SLC24A3: variants seen among roughly 807,000 people sequenced by gnomAD.
The protein encoded by SLC24A3 is solute carrier family 24 member 3.
In SLC24A3, 28 loss-of-function variants were observed where a neutral mutation model predicts 75.8. The ratio of observed to expected loss-of-function variants is 0.37; its 90% confidence interval spans 0.27 to 0.51. The LOEUF (loss-of-function observed/expected upper bound fraction) is 0.51. SLC24A3 is among the 20% of genes least tolerant of loss of function. The probability of loss-of-function intolerance (pLI) is 0.94; values close to 1 mark genes in which losing one functional copy is unlikely to be tolerated. For synonymous variants in SLC24A3, 372 were observed against 334.1 expected, an observed-to-expected ratio of 1.11 and a Z score of -1.24; for missense variants, 663 against 847.8, an observed-to-expected ratio of 0.78 and a Z score of 2.71.
chr20:19,716,441 A>G lies in SLC24A3; in HGVS notation c.1720-1087A>G, dbSNP rs74858326. 9.8e-3 allele frequency among the ~76,000 whole-genome samples: 1,492 copies of G among 151,700 alleles called. 62 individuals carry two copies. The highest frequency in any genetic ancestry group is 0.071 in the Admixed American group (1,086 of 15,218). Reference sequence around the variant, plus strand: ...TGTTTCTTTTTTTTTCAGTTGCATGAGACACATTTCAAATGCCCAACAGCC... The same window carrying G: ...TGTTTCTTTTTTTTTCAGTTGCATGGGACACATTTCAAATGCCCAACAGCC... On this transcript the variant is annotated intron_variant, in intron 15 of 16. Transcript: ENST00000328041.
At chr20:19,428,629 A>T (rs1987052200) in intron 2 of SLC24A3, among the ~76,000 whole-genome samples, 1 of 152,246 alleles carries the variant, frequency 6.6e-6, no homozygotes. Flanking sequence ...AGTGGGCAGG[A>T]TATGGCATGG....
rs548968734 is a variant in SLC24A3, at chr20:19,606,668, G to A, written c.612+21124G>A. The stretch of plus-strand genomic sequence containing the variant: ...GTAGGAGGGAGATGAGAAAAGCAGG[G>A]ACTTATAGGACTGAGAATGCAGAGG... On this transcript the variant is annotated intron_variant, in intron 6 of 16. Transcript: ENST00000328041. Among the ~76,000 whole-genome samples, 109 of 152,298 alleles carry A rather than the reference G, an allele frequency of 7.2e-4. 1 individual carries two copies. Among genetic ancestry groups the A allele is most frequent in the African/African-American group, 2.5e-3 (104 of 41,554 alleles).
chr20:19,227,573 G>A (rs1179536727), intron 1 of SLC24A3, among the ~76,000 whole-genome samples: 2 of 151,882 alleles, frequency 1.3e-5, no homozygotes, highest in Non-Finnish European at 2.9e-5. Context: ...ATTTATTTTA[G>A]CATAAGATTA....
chr20:19,611,235 T>C (rs1036021215), intron 6 of SLC24A3, among the ~76,000 whole-genome samples: 1 of 152,196 alleles, frequency 6.6e-6, no homozygotes, highest in Admixed American at 6.5e-5. Context: ...GAGCAGAAGA[T>C]GGATATCATT....
chr20:19,576,668 G>T (rs2031140434), intron 3 of SLC24A3, among the ~76,000 whole-genome samples: 1 of 152,198 alleles, frequency 6.6e-6, no homozygotes, highest in South Asian at 2.1e-4. Flanking sequence ...GTGCTTGGCA[G>T]ATCTCATTTC....
chr20:19,594,810 G>C (rs2031430521), intron 6 of SLC24A3, among the ~76,000 whole-genome samples: 2 of 152,124 alleles, frequency 1.3e-5, no homozygotes, highest in African/African-American at 4.8e-5. Flanking sequence ...CCAATGCTAT[G>C]AAAAAGCAAT....
intron 6 of SLC24A3, among the ~76,000 whole-genome samples, chr20:19,591,235 T>A (rs2031372684): frequency 6.6e-6 from 1 of 152,218 alleles, no homozygotes; most frequent in Admixed American, 6.5e-5. Context: ...GTGTCTTGCT[T>A]GTTCCACTTC....
intron 2 of SLC24A3, among the ~76,000 whole-genome samples, chr20:19,349,487 C>A (rs954581176): frequency 2.0e-5 from 3 of 152,130 alleles, no homozygotes; most frequent in African/African-American, 7.2e-5. Flanking sequence ...CTAAGAGGAC[C>A]ACACCACCTG....
intron 1 of SLC24A3, among the ~76,000 whole-genome samples, chr20:19,226,407 G>T (rs1981871602): frequency 6.6e-6 from 1 of 152,104 alleles, no homozygotes; most frequent in Non-Finnish European, 1.5e-5. Context: ...GTCTGGTTTT[G>T]CTACCAGGGT....
intron 1 of SLC24A3, among the ~76,000 whole-genome samples, chr20:19,268,884 G>T (rs1456093750): frequency 6.6e-6 from 1 of 152,210 alleles, no homozygotes; most frequent in Admixed American, 6.5e-5. Flanking sequence ...AAAGAAGGAG[G>T]CTAGAAGAAA....
At chr20:19,248,895 A>G (rs1982571660) in intron 1 of SLC24A3, among the ~76,000 whole-genome samples, 1 of 150,936 alleles carries the variant, frequency 6.6e-6, no homozygotes, top group African/African-American at 2.4e-5. Context: ...AGGCACAGAA[A>G]GACAAATACC....
At chr20:19,245,442 G>A (rs1052939643) in intron 1 of SLC24A3, among the ~76,000 whole-genome samples, 5 of 152,118 alleles carry the variant, frequency 3.3e-5, no homozygotes, top group Admixed American at 6.5e-5. Flanking sequence ...ATCAATTTGA[G>A]TTGGCGGTCA....
intron 3 of SLC24A3, among the ~76,000 whole-genome samples, chr20:19,559,167 G>A (rs971113994): frequency 2.0e-5 from 3 of 152,142 alleles, no homozygotes; most frequent in Non-Finnish European, 4.4e-5. Context: ...TCATTCTAGT[G>A]AGTGTGTAGA....
intron 2 of SLC24A3, among the ~76,000 whole-genome samples, chr20:19,407,623 A>G (rs929616087): frequency 6.6e-6 from 1 of 152,258 alleles, no homozygotes; most frequent in Non-Finnish European, 1.5e-5. Flanking sequence ...AATCTCAGAC[A>G]TAGAAAGAAA....
chr20:19,588,686 A>G (rs1568664897), intron 6 of SLC24A3, among the ~76,000 whole-genome samples: 1 of 152,264 alleles, frequency 6.6e-6, no homozygotes, highest in Non-Finnish European at 1.5e-5. Flanking sequence ...AATAATAACA[A>G]CAAAGAGAAA....
intron 2 of SLC24A3, among the ~76,000 whole-genome samples, chr20:19,455,362 G>C (rs1007416116): frequency 6.6e-6 from 1 of 152,138 alleles, no homozygotes; most frequent in African/African-American, 2.4e-5. Flanking sequence ...TGGTTAGATG[G>C]ATGAGATGTG....
At position 19,698,602 on chromosome 20, in the gene SLC24A3, GA is replaced by G; in HGVS notation, c.1642del (p.Ser548AlafsTer7). ...ACATGGCTGTGTCCAACTCCATTGGGAGCAACGTGTTTGACATCCTGATTGG... is the reference window on the plus strand; with the variant it reads ...ACATGGCTGTGTCCAACTCCATTGGGGCAACGTGTTTGACATCCTGATTGG... Reference protein sequence around the residue: ...GDMAVSNSIGSNVFDILIGLG... With the variant: ...GDMAVSNSIGXNVFDILIGLG... On this transcript the variant is annotated frameshift_variant, in exon 15 of 17. Coordinates refer to ENST00000328041, the MANE Select transcript of SLC24A3 (RefSeq NM_020689.4). LOFTEE classifies it high-confidence loss of function. 6.3e-7 allele frequency: 1 copy of G among 1,593,396 alleles called. No homozygotes were observed. Among genetic ancestry groups the G allele is most frequent in the Non-Finnish European group, 8.6e-7 (1 of 1,167,958 alleles).
At chr20:19,682,015 G>C (rs1426467108) in intron 10 of SLC24A3, 24 bp downstream of exon 10, 1 of 1,611,876 alleles carries the variant, frequency 6.2e-7, no homozygotes, top group Non-Finnish European at 8.5e-7. Flanking sequence ...GCACTTTGGG[G>C]TCCAAGGCAG....
At chr20:19,484,910 G>T (rs1258662491) in intron 2 of SLC24A3, among the ~76,000 whole-genome samples, 1 of 152,084 alleles carries the variant, frequency 6.6e-6, no homozygotes, top group Non-Finnish European at 1.5e-5. Context: ...TTTTTCAGGA[G>T]ACTGAAAGAT....
Sources: gnomAD v4.1 joint callset for allele counts (sites outside exome capture counted in the v4.1 genomes callset) on GRCh38, gnomAD v4.1.1 for gene constraint, MANE v1.5 for transcripts, NCBI Gene and HGNC (gene_info 2026-07-23, HGNC 2026-07-21) for gene names.